Variants in EFCAB13 observed in about 807,000 individuals in gnomAD.
EFCAB13 encodes the protein EF-hand calcium-binding domain-containing protein 13.
In EFCAB13, 91 loss-of-function variants were observed where a neutral mutation model predicts 110.2. The observed-to-expected ratio is 0.83, with a 90% CI of 0.70 to 0.98. The LOEUF (loss-of-function observed/expected upper bound fraction) is 0.98, where lower values mean the gene tolerates loss of function less well. EFCAB13 is among the 50% of genes least tolerant of loss of function. The probability of loss-of-function intolerance (pLI) is 0.00; values close to 1 mark genes in which losing one functional copy is unlikely to be tolerated. For missense variants in EFCAB13, 968 were observed against 1,119.4 expected, an observed-to-expected ratio of 0.86 and a Z score of 1.93; for synonymous variants, 323 against 369.9, an observed-to-expected ratio of 0.87 and a Z score of 1.45.
At position 47,344,341 on chromosome 17, in the gene EFCAB13, G is replaced by C. The variant is rs1330581846; in HGVS notation, c.434+49G>C. The C allele has an allele frequency of 3.2e-6, 5 of 1,577,658 alleles. No individual in the cohort carries two copies. The Admixed American group carries it at 9.0e-5, about 28-fold the overall frequency. On this transcript the variant is annotated intron_variant, in intron 7 of 24. Coordinates refer to ENST00000331493, the MANE Select transcript of EFCAB13 (RefSeq NM_152347.5). The stretch of plus-strand genomic sequence containing the variant: ...TTTTTAAATGTTGGGTTCAGACTTG[G>C]GTGTTTCTCTCCAGAATCATTTATC...
At chr17:47,377,086 G>A (rs1026078695) in intron 12 of EFCAB13, among the ~76,000 whole-genome samples, 21 of 152,202 alleles carry the variant, frequency 1.4e-4, no homozygotes, top group East Asian at 5.8e-4. Flanking sequence ...GGAGGGTGAA[G>A]AACTCTACAT....
intron 21 of EFCAB13, 101 bp from the exon 22 acceptor site, chr17:47,412,672 C>A: frequency 8.6e-7 from 1 of 1,167,088 alleles, no homozygotes; most frequent in Non-Finnish European, 1.2e-6. Context: ...GATTTTGATT[C>A]AGATAAATAT....
chr17:47,397,965 T>TG (rs1324853090), intron 17 of EFCAB13, among the ~76,000 whole-genome samples: 9 of 119,412 alleles, frequency 7.5e-5, no homozygotes, highest in Non-Finnish European at 1.2e-4. Context: ...GGGAGGGAGG[T>TG]GGGGGGGTCA....
chr17:47,324,939 C>A (rs2065272142), intron 2 of EFCAB13, among the ~76,000 whole-genome samples: 1 of 146,822 alleles, frequency 6.8e-6, no homozygotes, highest in Non-Finnish European at 1.5e-5. Context: ...CCACCCCACC[C>A]AGATGGCTCC....
Position 47,361,502 on chromosome 17 carries a change from A to G in EFCAB13, c.786A>G (p.Thr262=). Residue 262 remains threonine (T), a synonymous_variant, in exon 10 of 25, where the codon ACA becomes ACG. Transcript: ENST00000331493. ...PINREILEEV[T]KHTYIDSNHM... is the part of the protein sequence containing the mutation. ...ACCGTGAAATTTTAGAAGAAGTGAC[A>G]AAACATACCTATATTGACAGTGAGT... is the stretch of plus-strand genomic sequence containing the variant. 6.3e-7 allele frequency: 1 copy of G among 1,591,218 alleles called. No homozygotes were observed. The highest frequency in any genetic ancestry group is 8.6e-7 in the Non-Finnish European group (1 of 1,169,192).
intron 20 of EFCAB13, among the ~76,000 whole-genome samples, chr17:47,407,913 CTTG>C (rs1270216951): frequency 6.6e-6 from 1 of 152,142 alleles, no homozygotes; most frequent in East Asian, 1.9e-4. Context: ...ACACCATAAA[CTTG>C]TTGGACACTT....
intron 8 of EFCAB13, among the ~76,000 whole-genome samples, chr17:47,345,683 T>C (rs1447088582): frequency 6.6e-6 from 1 of 152,230 alleles, no homozygotes; most frequent in African/African-American, 2.4e-5. Context: ...ACATTGTCAT[T>C]ATGTGAAAAT....
intron 24 of EFCAB13, among the ~76,000 whole-genome samples, chr17:47,437,355 G>T (rs1009028315): frequency 4.6e-5 from 7 of 152,048 alleles, no homozygotes; most frequent in South Asian, 2.1e-4. Context: ...GCTGTCAGTG[G>T]AGTATTGAAG....
At chr17:47,372,813 G>A (rs949570530) in intron 11 of EFCAB13, among the ~76,000 whole-genome samples, 3 of 152,018 alleles carry the variant, frequency 2.0e-5, no homozygotes, top group African/African-American at 4.8e-5. Context: ...TTATTGGAAC[G>A]TATATGTTAT....
At chr17:47,420,532 A>G (rs1904626546) in intron 23 of EFCAB13, among the ~76,000 whole-genome samples, 3 of 149,196 alleles carry the variant, frequency 2.0e-5, no homozygotes, top group Admixed American at 1.3e-4. Context: ...CATCCCATCT[A>G]GGAAGTGAGG....
At chr17:47,338,281 A>T (rs2065363135) in intron 5 of EFCAB13, among the ~76,000 whole-genome samples, 1 of 143,614 alleles carries the variant, frequency 7.0e-6, no homozygotes. Context: ...TCAGGAGTTT[A>T]CTCTACCACC....
chr17:47,419,592 G>GATA (rs1185250169), intron 23 of EFCAB13, among the ~76,000 whole-genome samples: 1 of 152,042 alleles, frequency 6.6e-6, no homozygotes, highest in Non-Finnish European at 1.5e-5. Flanking sequence ...TAATAATGAT[G>GATA]ATAATAATAA....
chr17:47,429,000 T>C (rs1011904655), intron 23 of EFCAB13, among the ~76,000 whole-genome samples: 4 of 152,160 alleles, frequency 2.6e-5, no homozygotes, highest in African/African-American at 9.7e-5. Context: ...GGTAGTTGCC[T>C]TATAAATGGA....
At chr17:47,325,974 T>C (rs1341765578) in intron 2 of EFCAB13, among the ~76,000 whole-genome samples, 1 of 127,452 alleles carries the variant, frequency 7.8e-6, no homozygotes, top group African/African-American at 2.9e-5. Flanking sequence ...CATATATATA[T>C]TTTGTTCATT....
chr17:47,357,418 C>G (rs1053041291), intron 9 of EFCAB13, among the ~76,000 whole-genome samples: 1 of 151,826 alleles, frequency 6.6e-6, no homozygotes, highest in Non-Finnish European at 1.5e-5. Context: ...TTTGATAATT[C>G]ATTTTGCCTT....
chr17:47,382,730 T>C (rs1391740346), intron 14 of EFCAB13, among the ~76,000 whole-genome samples: 1 of 152,216 alleles, frequency 6.6e-6, no homozygotes, highest in East Asian at 1.9e-4. Context: ...TAAGAAATAT[T>C]GGCCCCAAAT....
At chr17:47,374,402 A>G (rs1195904656) in intron 11 of EFCAB13, 70 bp from the exon 12 acceptor site, 6 of 1,251,228 alleles carry the variant, frequency 4.8e-6, no homozygotes, top group Non-Finnish European at 6.5e-6. Flanking sequence ...ATGAGGACTT[A>G]GTTGTTATTT....
intron 23 of EFCAB13, among the ~76,000 whole-genome samples, chr17:47,428,850 T>G (rs1192267494): frequency 6.6e-6 from 1 of 152,100 alleles, no homozygotes; most frequent in East Asian, 1.9e-4. Flanking sequence ...ATGATTGTAT[T>G]GTTATTATGT....
intron 21 of EFCAB13, among the ~76,000 whole-genome samples, chr17:47,410,968 G>T (rs553176719): frequency 6.6e-6 from 1 of 152,108 alleles, no homozygotes; most frequent in South Asian, 2.1e-4. Context: ...TCGATTATTT[G>T]ATTAATATCT....
Sources: allele counts gnomAD v4.1 joint callset (sites outside exome capture counted in the v4.1 genomes callset), GRCh38; gene constraint gnomAD v4.1.1; transcripts MANE v1.5; gene names NCBI Gene and HGNC (gene_info 2026-07-23, HGNC 2026-07-21).